Variants in L1TD1 observed in about 807,000 individuals in gnomAD.
L1TD1 encodes the protein LINE-1 type transposase domain-containing protein 1.
In L1TD1, 26 loss-of-function variants were observed where a neutral mutation model predicts 25.7. The ratio of observed to expected loss-of-function variants is 1.01; its 90% CI spans 0.74 to 1.40. The LOEUF (loss-of-function observed/expected upper bound fraction) is 1.40, where lower values mean the gene tolerates loss of function less well. Among genes scored for constraint, L1TD1 ranks in the 40% most tolerant of loss-of-function variants. The probability of loss-of-function intolerance (pLI) is 0.00; values close to 1 mark genes in which losing one functional copy is unlikely to be tolerated. For synonymous variants in L1TD1, 421 were observed against 335.6 expected (o/e 1.25, Z -2.78); for missense variants, 1,130 against 975.0 (o/e 1.16, Z -2.12).
At chr1:62,195,324 T>C (rs1253637839) in intron 1 of L1TD1, among the ~76,000 whole-genome samples, 1 of 152,250 alleles carries the variant, frequency 6.6e-6, no homozygotes, top group Non-Finnish European at 1.5e-5. Context: ...CTCTTTCCCT[T>C]ACTGTCCGTG....
rs1450426941 is a variant in L1TD1, at chr1:62,206,604, A to C, written c.-25A>C. On this transcript the variant is annotated 5_prime_UTR_variant, in exon 3 of 4. Transcript: ENST00000498273. ...TCATTCTGTAGGAATTAAAAACAGA[A>C]TCCAGTCTTGACAACATATCCACAA... 11 of 1,436,164 alleles carry C rather than the reference A, an allele frequency of 7.7e-6. No individual in the cohort carries two copies. Among genetic ancestry groups the C allele is most frequent in the South Asian group, 1.7e-5 (1 of 59,596 alleles). 89.0% of individuals were successfully genotyped at this position (1,436,164 alleles called of 1,614,324 possible).
chr1:62,201,691 TAAG>T (rs1476130781), intron 2 of L1TD1, among the ~76,000 whole-genome samples: 1 of 152,116 alleles, frequency 6.6e-6, no homozygotes, highest in Non-Finnish European at 1.5e-5. Flanking sequence ...TCTTATAAAA[TAAG>T]GAGACTTTCT....
chr1:62,197,824 TGAG>T (rs1166676158), intron 2 of L1TD1, among the ~76,000 whole-genome samples: 2 of 152,000 alleles, frequency 1.3e-5, no homozygotes, highest in Admixed American at 6.6e-5. Flanking sequence ...TGCAGTGAGC[TGAG>T]ATTGTGCCAC....
intron 2 of L1TD1, among the ~76,000 whole-genome samples, chr1:62,197,397 T>TATA (rs1670562305): frequency 3.7e-5 from 3 of 80,858 alleles, no homozygotes; most frequent in Non-Finnish European, 7.9e-5. Flanking sequence ...AAAAAATAAA[T>TATA]TATATATATA....
chr1:62,209,192 A>AGG, intron 3 of L1TD1, among the ~76,000 whole-genome samples: 1 of 152,232 alleles, frequency 6.6e-6, no homozygotes, highest in African/African-American at 2.4e-5. Context: ...CAATCGGGCC[A>AGG]GGGTTTGAAT....
At chr1:62,204,667 G>T (rs1187222756) in intron 2 of L1TD1, among the ~76,000 whole-genome samples, 1 of 152,240 alleles carries the variant, frequency 6.6e-6, no homozygotes, top group East Asian at 1.9e-4. Flanking sequence ...ACCTCCCAGA[G>T]TGCTAGGATT....
rs1553121885 is a variant in L1TD1 at position 62,197,397 on chromosome 1, T to TTATATGTATA, written c.-111+874_-111+875insGTATATATAT. On this transcript the variant is annotated intron_variant, in intron 2 of 3. Coordinates refer to ENST00000498273, the MANE Select transcript of L1TD1 (RefSeq NM_019079.5). ...GAGACGCCCTCTCAAAAAAAATAAA[T>TTATATGTATA]TATATATATATATATATATATATAT... Among the ~76,000 whole-genome samples the TTATATGTATA allele has an allele frequency of 7.4e-5, 6 of 80,844 alleles. 1 individual carries two copies. In the East Asian group the frequency reaches 5.0e-3, roughly 68 times the overall value. The allele number at this position is 80,844 out of a possible 152,430, so 53.0% of individuals were successfully genotyped here.
chr1:62,210,647 A>C lies in L1TD1; in HGVS notation c.1873A>C (p.Ile625Leu), dbSNP rs1420441876. ...ENLRSSVINS[I>L]REIKEEIGNL... ...CTTGAGAAGTAGTGTGATTAATAGC[A>C]TCAGAGAGATAAAAGAGGAGATTGG... Residue 625 changes from isoleucine to leucine, a missense_variant, in exon 4 of 4, where the codon ATC becomes CTC. Coordinates refer to ENST00000498273, the MANE Select transcript of L1TD1 (RefSeq NM_019079.5). 1 of 1,572,986 alleles carries C rather than the reference A, an allele frequency of 6.4e-7. No homozygotes were observed. The highest frequency in any genetic ancestry group is 1.4e-5 in the African/African-American group (1 of 73,450).
Position 62,211,298 on chromosome 1 carries a change from A to G in L1TD1, c.2524A>G (p.Ser842Gly), listed in dbSNP as rs143824411. ...DFRGKTKVFL[S>G]IEEFRDYVLH... ...TAGGGGTAAAACAAAGGTATTTCTT[A>G]GTATTGAAGAATTTAGAGATTATGT... The change falls in exon 4 of 4, where the codon AGT becomes GGT. Residue 842 changes from serine to glycine, a missense_variant. Coordinates refer to ENST00000498273, the MANE Select transcript of L1TD1 (RefSeq NM_019079.5). The G allele has an allele frequency of 1.0e-4, 161 of 1,613,228 alleles. No individual in the cohort carries two copies. The highest frequency in any genetic ancestry group is 1.3e-4 in the Non-Finnish European group (152 of 1,179,716).
rs1355192312 is a variant in L1TD1, at chr1:62,206,791, T to A, written c.163T>A (p.Phe55Ile). Residue 55 changes from phenylalanine (F) to isoleucine (I), a missense_variant, in exon 3 of 4, where the codon TTT (phenylalanine) becomes ATT (isoleucine). Transcript: ENST00000498273. The stretch of plus-strand genomic sequence containing the variant: ...GGACGTATCAGCAATTATGAATAAG[T>A]TTAAGGTCTTAATGGAAATTCAAGA... The part of the protein sequence containing the change: ...CKDVSAIMNK[F>I]KVLMEIQDLM... The A allele has an allele frequency of 4.4e-6, 7 of 1,577,210 alleles. No individual in the cohort carries two copies. The highest frequency in any genetic ancestry group is 6.0e-6 in the Non-Finnish European group (7 of 1,159,266).
chr1:62,207,622 A>G lies in L1TD1; in HGVS notation c.994A>G (p.Ile332Val), dbSNP rs1670779047. The change falls in exon 3 of 4, where the codon ATT becomes GTT. Residue 332 changes from isoleucine to valine, a missense_variant. Ile to Val is a conservative substitution (Grantham distance 29). Transcript: ENST00000498273. ...AAATCAAGGAGGAAGAAAATATGGA[A>G]TTCAAGAAAAAAGGGTAAGCATACA... ...EINQGGRKYG[I>V]QEKRDKTLID... 6.5e-7 allele frequency: 1 copy of G among 1,533,680 alleles called. No individual in the cohort carries two copies. The highest frequency in any genetic ancestry group is 1.7e-4 in the Middle Eastern group (1 of 5,866).
intron 2 of L1TD1, among the ~76,000 whole-genome samples, chr1:62,201,525 A>T (rs1206596735): frequency 6.6e-6 from 1 of 151,102 alleles, no homozygotes; most frequent in Admixed American, 6.6e-5. Context: ...GCATATTCAA[A>T]CATCAATAAA....
At chr1:62,196,960 T>C (rs1670555011) in intron 2 of L1TD1, among the ~76,000 whole-genome samples, 1 of 152,048 alleles carries the variant, frequency 6.6e-6, no homozygotes, top group East Asian at 1.9e-4. Flanking sequence ...GAGCCCTACT[T>C]ATAATCTAGT....
In L1TD1 at chr1:62,196,417, A is replaced by G. The variant is rs1442259139; in HGVS notation, c.-204-18A>G. 6.6e-6 allele frequency: 1 copy of G among 152,176 alleles called. No individual in the cohort carries two copies. The highest frequency in any genetic ancestry group is 6.5e-5 in the Admixed American group (1 of 15,270). 9.4% of individuals were successfully genotyped at this position (152,176 alleles called of 1,614,324 possible). A position where few individuals can be genotyped will look rare whatever the true frequency, so the allele number is the denominator to read the frequency against. ...TAAACCTTAAACTTTGGTGTTATGAACTTGACTTGAATTCTAGGCACCAAG... is the reference window on the plus strand; with the variant it reads ...TAAACCTTAAACTTTGGTGTTATGAGCTTGACTTGAATTCTAGGCACCAAG... On this transcript the variant is annotated intron_variant, in intron 1 of 3. Transcript: ENST00000498273.
intron 2 of L1TD1, among the ~76,000 whole-genome samples, chr1:62,202,469 A>G (rs1471751470): frequency 6.6e-6 from 1 of 151,078 alleles, no homozygotes; most frequent in Non-Finnish European, 1.5e-5. Context: ...CATATTTTGG[A>G]AGTTACTTTG....
At position 62,210,746 on chromosome 1, in the gene L1TD1, A is replaced by C. The variant is rs1670850892; in HGVS notation, c.1972A>C (p.Ile658Leu). 1 of 1,551,650 alleles carries C rather than the reference A, an allele frequency of 6.4e-7. No individual in the cohort carries two copies. Residue 658 changes from isoleucine (I) to leucine (L), a missense_variant, in exon 4 of 4, where the codon ATA becomes CTA. By Grantham distance (5) the Ile-to-Leu change is conservative (BLOSUM62 2). Coordinates refer to ENST00000498273, the MANE Select transcript of L1TD1 (RefSeq NM_019079.5). ...AGATGATCTGAGTAGCAGAATGGAC[A>C]TACTTGAAGAAAGAATAGACAGTCT... is the stretch of plus-strand genomic sequence containing the variant. The part of the protein sequence containing the change: ...SVDDLSSRMD[I>L]LEERIDSLED...
Position 62,206,548 on chromosome 1 carries a change from C to T in L1TD1, c.-81C>T, listed in dbSNP as rs143217181. The stretch of plus-strand genomic sequence containing the variant: ...ACGTATTTTAAGATTTTTTTAACTT[C>T]TGAAGTCTAGCAGGCCTGTAAGAAC... On this transcript the variant is annotated 5_prime_UTR_variant, in exon 3 of 4. Transcript: ENST00000498273. The T allele has an allele frequency of 2.3e-6, 3 of 1,293,764 alleles. No individual in the cohort carries two copies. The highest frequency in any genetic ancestry group is 3.0e-5 in the African/African-American group (2 of 66,536). The allele number at this position is 1,293,764 out of a possible 1,614,324, so 80.1% of individuals were successfully genotyped here.
chr1:62,206,998 T>C lies in L1TD1; in HGVS notation c.370T>C (p.Ser124Pro). The C allele has an allele frequency of 6.2e-7, 1 of 1,612,964 alleles. No homozygotes were observed. Among genetic ancestry groups the C allele is most frequent in the Non-Finnish European group, 8.5e-7 (1 of 1,179,728 alleles). ...GMVGKIEGEN[S>P]KIGDDNENLT... Reference sequence around the variant, plus strand: ...GGTAGGGAAAATAGAAGGAGAAAACTCTAAAATAGGTGATGATAATGAAAA... The same window carrying C: ...GGTAGGGAAAATAGAAGGAGAAAACCCTAAAATAGGTGATGATAATGAAAA... Residue 124 changes from serine (S) to proline (P), a missense_variant, in exon 3 of 4, where the codon TCT becomes CCT. Coordinates refer to ENST00000498273, the MANE Select transcript of L1TD1 (RefSeq NM_019079.5).
intron 1 of L1TD1, among the ~76,000 whole-genome samples, chr1:62,196,221 G>GC (rs1404950770): frequency 6.6e-6 from 1 of 151,954 alleles, no homozygotes; most frequent in Non-Finnish European, 1.5e-5. Context: ...ATTCTCTCCG[G>GC]CCCCTCCCTG....
Sources: gnomAD v4.1 joint callset for allele counts (sites outside exome capture counted in the v4.1 genomes callset) on GRCh38, gnomAD v4.1.1 for gene constraint, MANE v1.5 for transcripts, NCBI Gene and HGNC (gene_info 2026-07-23, HGNC 2026-07-21) for gene names.